Variants in C5 observed in about 807,000 individuals in gnomAD.
C5 encodes the protein complement C5, also known as C3 and PZP-like alpha-2-macroglobulin domain-containing protein 4.
A neutral mutation model predicts 218.8 loss-of-function variants in C5; 140 were observed. That is an observed-to-expected ratio of 0.64 (90% CI 0.56 to 0.74). The LOEUF (loss-of-function observed/expected upper bound fraction) is 0.74. C5 is among the 30% of genes least tolerant of loss of function. The pLI is 0.00. For synonymous variants in C5, 614 were observed against 682.3 expected (o/e 0.90, Z 1.56); for missense variants, 1,700 against 1,969.6 (o/e 0.86, Z 2.59).
chr9:120,997,932 A>T (rs2047131414), intron 20 of C5, among the ~76,000 whole-genome samples, 158 bp from the exon 21 acceptor site: 1 of 152,012 alleles, frequency 6.6e-6, no homozygotes, highest in African/African-American at 2.4e-5. Flanking sequence ...CCTCCTGAGT[A>T]GCTGGGATTA....
intron 23 of C5, among the ~76,000 whole-genome samples, chr9:120,990,353 A>G (rs1408913640): frequency 6.6e-6 from 1 of 152,252 alleles, no homozygotes; most frequent in Non-Finnish European, 1.5e-5. Flanking sequence ...AGGAAAACCT[A>G]GTCACTTGTG....
the C5 span, among the ~76,000 whole-genome samples, chr9:121,062,041 C>T: frequency 6.6e-6 from 1 of 151,376 alleles, no homozygotes; most frequent in African/African-American, 2.5e-5. Flanking sequence ...TGATAAGGCT[C>T]CTTGTTTTTT....
chr9:120,966,683 G>GT (rs2046870441), intron 33 of C5, among the ~76,000 whole-genome samples: 2 of 152,198 alleles, frequency 1.3e-5, no homozygotes, highest in Non-Finnish European at 2.9e-5. Context: ...CATTTAGGGG[G>GT]AAAGAAGCTG....
At chr9:120,962,152 T>C (rs1176590691) in intron 36 of C5, among the ~76,000 whole-genome samples, 1 of 152,158 alleles carries the variant, frequency 6.6e-6, no homozygotes, top group Non-Finnish European at 1.5e-5. Context: ...TCATAAATAT[T>C]TATTGAGTTC....
At chr9:121,027,354 T>C in intron 7 of C5, 80 bp from the exon 8 acceptor site, 1 of 796,322 alleles carries the variant, frequency 1.3e-6, no homozygotes, top group Non-Finnish European at 2.1e-6. Flanking sequence ...AATTTGAAAT[T>C]ACGTAAAGCA....
At chr9:121,064,631 A>G in the C5 span, among the ~76,000 whole-genome samples, 1 of 152,228 alleles carries the variant, frequency 6.6e-6, no homozygotes, top group East Asian at 1.9e-4. Flanking sequence ...TATCAATTAA[A>G]TTTTTAAAAT....
At chr9:121,045,474 C>T (rs562302909) in intron 2 of C5, among the ~76,000 whole-genome samples, 37 of 151,992 alleles carry the variant, frequency 2.4e-4, no homozygotes, top group Non-Finnish European at 3.2e-4. Context: ...CAATATAATT[C>T]GAATTTTAAG....
Position 120,976,850 on chromosome 9 carries a change from A to G in C5, c.3714T>C (p.Ser1238=). 1 of 1,614,116 alleles carries G rather than the reference A, an allele frequency of 6.2e-7. No homozygotes were observed. The highest frequency in any genetic ancestry group is 1.1e-5 in the South Asian group (1 of 91,084). The part of the protein sequence containing the change: ...WKDNLQHKDS[S]VPNTGTARMV... ...TACGTGCCGTACCAGTGTTAGGTAC[A>G]GAGCTGTCTTTATGCTGAAGATTGT... Residue 1238 remains serine, a synonymous_variant, in exon 29 of 41, where the codon TCT becomes TCC. Transcript: ENST00000223642.
In C5 at chr9:121,019,959, C is replaced by A. The variant is rs182918168; in HGVS notation, c.1506+17G>T. On this transcript the variant is annotated intron_variant, in intron 12 of 40. Transcript: ENST00000223642. ...CAGGTGGGGGAATAAGATGTAAATC[C>A]ATCATTATGTACTTACCAAGTAATT... is the stretch of plus-strand genomic sequence containing the variant. The A allele has an allele frequency of 2.7e-4, 391 of 1,473,566 alleles. 1 individual carries two copies. Among genetic ancestry groups the A allele is most frequent in the Middle Eastern group, 5.2e-4 (3 of 5,794 alleles). 91.3% of individuals were successfully genotyped at this position (1,473,566 alleles called of 1,614,324 possible).
At chr9:120,980,393 T>A in intron 27 of C5, 139 bp from the exon 28 acceptor site, 1 of 741,068 alleles carries the variant, frequency 1.3e-6, no homozygotes, top group South Asian at 1.5e-5. Flanking sequence ...AATGGATGGC[T>A]TCTCAGTGAA....
intron 4 of C5, among the ~76,000 whole-genome samples, chr9:121,036,221 T>G (rs556915285): frequency 2.6e-5 from 4 of 152,234 alleles, no homozygotes; most frequent in African/African-American, 4.8e-5. Flanking sequence ...GCTGAGTATT[T>G]TTATGGCTCT....
intron 3 of C5, among the ~76,000 whole-genome samples, chr9:121,041,220 A>G (rs2131815564): frequency 6.7e-6 from 1 of 149,134 alleles, no homozygotes; most frequent in South Asian, 2.2e-4. Context: ...CTGGGATTAC[A>G]GGCATGAGCC....
intron 11 of C5, among the ~76,000 whole-genome samples, chr9:121,020,428 T>C (rs990932043): frequency 6.6e-5 from 10 of 152,308 alleles, no homozygotes; most frequent in Non-Finnish European, 1.0e-4. Flanking sequence ...GAGAGAAAGA[T>C]GCTCCAGGAA....
At chr9:120,982,606 A>G (rs868433414) in intron 26 of C5, 49 bp downstream of exon 26, 1 of 1,410,058 alleles carries the variant, frequency 7.1e-7, no homozygotes, top group East Asian at 2.3e-5. Context: ...TGAGAATAAA[A>G]CTCAAACTAA....
chr9:121,008,727 C>T (rs1252192553), intron 17 of C5, among the ~76,000 whole-genome samples: 2 of 152,010 alleles, frequency 1.3e-5, no homozygotes, highest in Non-Finnish European at 2.9e-5. Flanking sequence ...GTCAGGAATT[C>T]GAGATCAGCC....
chr9:120,966,563 G>A (rs948902769), intron 33 of C5, among the ~76,000 whole-genome samples: 1 of 152,104 alleles, frequency 6.6e-6, no homozygotes, highest in African/African-American at 2.4e-5. Context: ...GCACTGATTC[G>A]AGCTCTGCCC....
At chr9:121,008,254 AAAAGC>A (rs1440558342) in intron 18 of C5, among the ~76,000 whole-genome samples, 149 bp downstream of exon 18, 1 of 152,226 alleles carries the variant, frequency 6.6e-6, no homozygotes, top group Non-Finnish European at 1.5e-5. Flanking sequence ...AAAAATTTAA[AAAAGC>A]AAAGCAAAAC....
At chr9:121,066,892 ATC>A in the C5 span, among the ~76,000 whole-genome samples, 1 of 151,096 alleles carries the variant, frequency 6.6e-6, no homozygotes, top group Non-Finnish European at 1.5e-5. Flanking sequence ...ACACATGATC[ATC>A]TCAGCTGACA....
At chr9:121,002,218 A>ATATATATATGTATATATACG (rs1564146353) in intron 20 of C5, among the ~76,000 whole-genome samples, 8 of 39,860 alleles carry the variant, frequency 2.0e-4, no homozygotes, top group African/African-American at 6.6e-4. Flanking sequence ...ATATATACGT[A>ATATATATATGTATATATACG]TATATATATA....
Sources: allele counts gnomAD v4.1 joint callset (sites outside exome capture counted in the v4.1 genomes callset), GRCh38; gene constraint gnomAD v4.1.1; transcripts MANE v1.5; gene names NCBI Gene and HGNC (gene_info 2026-07-23, HGNC 2026-07-21).